PCDHGA9: variants seen among roughly 807,000 people sequenced by gnomAD.
PCDHGA9 encodes the protein protocadherin gamma-A9.
PCDHGA9 carries 37 observed loss-of-function variants against 62.5 expected under a neutral mutation model. That is an observed-to-expected ratio of 0.59 (90% CI 0.46 to 0.78). PCDHGA9 has a LOEUF of 0.78. Ranked by LOEUF, PCDHGA9 falls within the 30% of genes least tolerant of loss-of-function variation. The pLI, the probability that PCDHGA9 is intolerant of heterozygous loss-of-function variation, is 0.00. For synonymous variants in PCDHGA9, 459 were observed against 484.6 expected (o/e 0.95, Z 0.69); for missense variants, 1,138 against 1,166.2 (o/e 0.98, Z 0.35).
intron 2 of PCDHGA9, among the ~76,000 whole-genome samples, chr5:141,502,337 T>C (rs1562205634): frequency 6.6e-6 from 1 of 152,184 alleles, no homozygotes; most frequent in Admixed American, 6.5e-5. Flanking sequence ...CCCAGTCTTT[T>C]TATTTTTTTA....
At chr5:141,430,448 G>T in intron 1 of PCDHGA9, 1 of 192,294 alleles carries the variant, frequency 5.2e-6, no homozygotes. Flanking sequence ...ATCCCCTTTT[G>T]AAGAACAGTA....
intron 1 of PCDHGA9, among the ~76,000 whole-genome samples, chr5:141,474,763 A>G (rs2099354251): frequency 6.6e-6 from 1 of 152,254 alleles, no homozygotes; most frequent in Non-Finnish European, 1.5e-5. Flanking sequence ...ATATACAGAA[A>G]TAGTATGAGG....
At chr5:141,429,597 G>A (rs937301997) in intron 1 of PCDHGA9, among the ~76,000 whole-genome samples, 2 of 152,094 alleles carry the variant, frequency 1.3e-5, no homozygotes, top group Non-Finnish European at 2.9e-5. Flanking sequence ...TGTAATTCAA[G>A]TAAACTCAAT....
At chr5:141,427,450 CT>C in intron 1 of PCDHGA9, 1 of 486,442 alleles carries the variant, frequency 2.1e-6, no homozygotes, top group South Asian at 1.5e-5. Flanking sequence ...GAAAGAGTTC[CT>C]TTTAGAATCG....
chr5:141,490,584 T>G lies in PCDHGA9; in HGVS notation c.2425-4223T>G, dbSNP rs751060540. 1 of 1,614,170 alleles carries G rather than the reference T, an allele frequency of 6.2e-7. No individual in the cohort carries two copies. Among genetic ancestry groups the G allele is most frequent in the South Asian group, 1.1e-5 (1 of 91,080 alleles). ...TCAGGCTCAACATTTCAGATGTCAA[T>G]GACAATGCACCCCGCTTCAACCAGC... On this transcript the variant is annotated intron_variant, in intron 1 of 3. Transcript: ENST00000573521. This position sits in a 1 kb window ranked among gnomAD's most constrained non-coding sequence, Gnocchi z 5.4.
chr5:141,418,391 T>G, intron 1 of PCDHGA9: 1 of 1,614,010 alleles, frequency 6.2e-7, no homozygotes, highest in Non-Finnish European at 8.5e-7. Context: ...TAACGAGTAT[T>G]TCTCATTGGT....
Position 141,490,027 on chromosome 5 carries a change from CG to C in PCDHGA9, c.2425-4779del. The C allele has an allele frequency of 6.2e-7, 1 of 1,614,214 alleles. No individual in the cohort carries two copies. Among genetic ancestry groups the C allele is most frequent in the Admixed American group, 1.7e-5 (1 of 60,032 alleles). On this transcript the variant is annotated intron_variant, in intron 1 of 3. Transcript: ENST00000573521. The surrounding 1 kb of genome is among the most constrained non-coding windows in gnomAD (Gnocchi z 5.4). Reference sequence around the variant, plus strand: ...TGCACCCATTGGTACTCTGCTGCTCCGCCTCAATGCCACTGATCCAGACGAG... The same window carrying C: ...TGCACCCATTGGTACTCTGCTGCTCCCCTCAATGCCACTGATCCAGACGAG...
In PCDHGA9 at chr5:141,413,613, TA is replaced by T. The variant is rs2095659138; in HGVS notation, c.2424+8239del. The T allele has an allele frequency of 4.3e-6, 7 of 1,613,714 alleles. No individual in the cohort carries two copies. The East Asian group carries it at 1.6e-4, about 36-fold the overall frequency. On this transcript the variant is annotated intron_variant, in intron 1 of 3. Transcript: ENST00000573521. Reference sequence around the variant, plus strand: ...AAGCAGAAAATCTAGACGTAAAAATTAATGAAAATGTCGCTGCGGGAATGCG... The same window carrying T: ...AAGCAGAAAATCTAGACGTAAAAATTATGAAAATGTCGCTGCGGGAATGCG...
In PCDHGA9 at chr5:141,499,676, C is replaced by G. The variant is rs534287777; in HGVS notation, c.2483+4811C>G. On this transcript the variant is annotated intron_variant, in intron 2 of 3. Coordinates refer to ENST00000573521, the MANE Select transcript of PCDHGA9 (RefSeq NM_018921.3). Reference sequence around the variant, plus strand: ...ATAATTTCATCTTGGTCTCCACCATCTTTAACAGATGACTTTTTTTTTTTT... The same window carrying G: ...ATAATTTCATCTTGGTCTCCACCATGTTTAACAGATGACTTTTTTTTTTTT... Among the ~76,000 whole-genome samples, 13 of 144,474 alleles carry G rather than the reference C, an allele frequency of 9.0e-5. No homozygotes were observed. In the South Asian group the frequency reaches 2.9e-3, roughly 33 times the overall value. The allele number at this position is 144,474 out of a possible 152,430, so 94.8% of individuals were successfully genotyped here.
At chr5:141,500,699 A>G (rs780869966) in intron 2 of PCDHGA9, among the ~76,000 whole-genome samples, 1 of 152,156 alleles carries the variant, frequency 6.6e-6, no homozygotes, top group Non-Finnish European at 1.5e-5. Context: ...TCTTCTTTGC[A>G]GTGTATCATG....
rs2097527384 is a variant in PCDHGA9 at position 141,432,674 on chromosome 5, A to G, written c.2424+27298A>G. 2 of 1,613,856 alleles carry G rather than the reference A, an allele frequency of 1.2e-6. No homozygotes were observed. The highest frequency in any genetic ancestry group is 4.5e-5 in the East Asian group (2 of 44,840). On this transcript the variant is annotated intron_variant, in intron 1 of 3. Coordinates refer to ENST00000573521, the MANE Select transcript of PCDHGA9 (RefSeq NM_018921.3). The surrounding 1 kb of genome is among the most constrained non-coding windows in gnomAD (Gnocchi z 6.0). ...AGCCCTGCTGGACAGAGACGCGCTCAAGCAGAGCCTCGTAGTGGCCGTCCA... is the reference window on the plus strand; with the variant it reads ...AGCCCTGCTGGACAGAGACGCGCTCGAGCAGAGCCTCGTAGTGGCCGTCCA...
At chr5:141,475,884 G>C (rs998700290) in intron 1 of PCDHGA9, 1 of 557,810 alleles carries the variant, frequency 1.8e-6, no homozygotes, top group Non-Finnish European at 3.2e-6. Flanking sequence ...TATTGGCTGG[G>C]ACTCTGTGTG....
intron 1 of PCDHGA9, among the ~76,000 whole-genome samples, chr5:141,457,465 A>G (rs915755113): frequency 1.3e-5 from 2 of 152,194 alleles, no homozygotes; most frequent in African/African-American, 2.4e-5. Context: ...GATTCACAGG[A>G]ATAAGCAGGG....
rs17097297 is a variant in PCDHGA9 at position 141,426,366 on chromosome 5, G to C, written c.2424+20990G>C. 737 of 204,832 alleles carry C rather than the reference G, an allele frequency of 3.6e-3. 4 individuals are homozygous for C. The highest frequency in any genetic ancestry group is 0.015 in the African/African-American group (666 of 43,954). 12.7% of individuals were successfully genotyped at this position (204,832 alleles called of 1,614,324 possible). Reference sequence around the variant, plus strand: ...CTTTCCTGCTGCCTTTGTTCTGCGGGGCACCCTCGGAGCAGATCCGCTACT... The same window carrying C: ...CTTTCCTGCTGCCTTTGTTCTGCGGCGCACCCTCGGAGCAGATCCGCTACT... On this transcript the variant is annotated intron_variant, in intron 1 of 3. Transcript: ENST00000573521.
intron 1 of PCDHGA9, chr5:141,414,528 C>T: frequency 6.2e-7 from 1 of 1,613,970 alleles, no homozygotes; most frequent in Non-Finnish European, 8.5e-7. Flanking sequence ...ATATCAATGA[C>T]AACCCACCTA....
At chr5:141,419,729 G>A in intron 1 of PCDHGA9, 1 of 1,613,758 alleles carries the variant, frequency 6.2e-7, no homozygotes, top group Non-Finnish European at 8.5e-7. Context: ...GCTGCGAACA[G>A]GCGAGGTGCG....
intron 1 of PCDHGA9, chr5:141,421,118 T>A (rs572827470): frequency 1.3e-6 from 1 of 771,946 alleles, no homozygotes; most frequent in South Asian, 1.9e-5. Flanking sequence ...GTATTTTCCT[T>A]CGCTTTCTGA....
chr5:141,409,213 C>T (rs1379007048), intron 1 of PCDHGA9: 1 of 1,613,994 alleles, frequency 6.2e-7, no homozygotes, highest in Admixed American at 1.7e-5. Context: ...TCATAGAAAT[C>T]CTTGATGAAA....
At chr5:141,419,917 T>C in intron 1 of PCDHGA9, 1 of 1,612,890 alleles carries the variant, frequency 6.2e-7, no homozygotes, top group Non-Finnish European at 8.5e-7. Context: ...ACTCCCAGGC[T>C]GAGATGCAGT....
Sources: gnomAD v4.1 joint callset for allele counts (sites outside exome capture counted in the v4.1 genomes callset) on GRCh38, gnomAD v4.1.1 for gene constraint, Gnocchi (gnomAD v3.1) non-coding constraint, MANE v1.5 for transcripts, NCBI Gene and HGNC (gene_info 2026-07-23, HGNC 2026-07-21) for gene names.